Variants in FOXP2 observed in about 807,000 individuals in gnomAD.
FOXP2 encodes the protein forkhead box protein P2.
A neutral mutation model predicts 115.8 loss-of-function variants in FOXP2; 12 were observed. That is an observed-to-expected ratio of 0.10 (90% CI 0.07 to 0.17). FOXP2 has a LOEUF of 0.17. Among genes scored for constraint, FOXP2 ranks in the 10% least tolerant of loss-of-function variants. The pLI is 1.00. For missense variants in FOXP2, 629 were observed against 843.5 expected (o/e 0.75, Z 3.15); for synonymous variants, 328 against 297.7 (o/e 1.10, Z -1.05).
chr7:114,374,235 T>C (rs1419908981), intron 2 of FOXP2, among the ~76,000 whole-genome samples: 1 of 152,228 alleles, frequency 6.6e-6, no homozygotes, highest in Non-Finnish European at 1.5e-5. Flanking sequence ...TATTCAAGCT[T>C]CATATGTCAC....
At chr7:114,239,811 T>C (rs2129167355) in intron 1 of FOXP2, among the ~76,000 whole-genome samples, 1 of 152,326 alleles carries the variant, frequency 6.6e-6, no homozygotes, top group East Asian at 1.9e-4. Flanking sequence ...CCTGGCATTC[T>C]AAGGTCTGGA....
At chr7:114,144,942 TGTTA>T (rs1254232805) in intron 1 of FOXP2, among the ~76,000 whole-genome samples, 2 of 152,226 alleles carry the variant, frequency 1.3e-5, no homozygotes, top group Non-Finnish European at 1.5e-5. Context: ...TTGACTCTTC[TGTTA>T]GTTGCCTTGT....
intron 3 of FOXP2, among the ~76,000 whole-genome samples, chr7:114,616,707 A>G (rs185109473): frequency 2.4e-4 from 37 of 152,294 alleles, no homozygotes; most frequent in Non-Finnish European, 4.0e-4. Flanking sequence ...CTCCACCTAC[A>G]CTATGACTTT....
chr7:114,539,770 T>A (rs1438181208), intron 3 of FOXP2, among the ~76,000 whole-genome samples: 1 of 151,946 alleles, frequency 6.6e-6, no homozygotes, highest in African/African-American at 2.4e-5. Context: ...TGGAGGAGGG[T>A]CTGGGACATT....
chr7:114,262,009 G>A (rs1159560237), intron 1 of FOXP2, among the ~76,000 whole-genome samples: 2 of 152,092 alleles, frequency 1.3e-5, no homozygotes. Context: ...AGTGAGCCCG[G>A]ATCACGCCAT....
chr7:114,559,016 A>G (rs1265960498), intron 3 of FOXP2, among the ~76,000 whole-genome samples: 1 of 150,692 alleles, frequency 6.6e-6, no homozygotes, highest in Non-Finnish European at 1.5e-5. Flanking sequence ...AAATGTTCAT[A>G]AGAAATCCAG....
intron 2 of FOXP2, among the ~76,000 whole-genome samples, chr7:114,482,226 T>A (rs992749156): frequency 6.6e-6 from 1 of 151,560 alleles, no homozygotes; most frequent in Admixed American, 6.6e-5. Context: ...CTAATAGGAA[T>A]TGGCAGTTAG....
At chr7:114,128,302 TG>T (rs1169556937) in intron 1 of FOXP2, among the ~76,000 whole-genome samples, 21 of 152,186 alleles carry the variant, frequency 1.4e-4, no homozygotes, top group Non-Finnish European at 4.4e-5. Flanking sequence ...TAATCATCTG[TG>T]CTTGATCATG....
chr7:114,553,792 T>C (rs1184762273), intron 3 of FOXP2, among the ~76,000 whole-genome samples: 1 of 152,116 alleles, frequency 6.6e-6, no homozygotes, highest in African/African-American at 2.4e-5. Flanking sequence ...AAATATTTGC[T>C]AAACATAAAT....
At chr7:114,373,053 G>C (rs373911833) in intron 2 of FOXP2, among the ~76,000 whole-genome samples, 2 of 151,496 alleles carry the variant, frequency 1.3e-5, no homozygotes, top group African/African-American at 4.9e-5. Context: ...AGTGCAGTGC[G>C]GCGATCTTGG....
At chr7:114,493,606 CA>C (rs1483263051) in intron 2 of FOXP2, among the ~76,000 whole-genome samples, 3 of 151,958 alleles carry the variant, frequency 2.0e-5, no homozygotes, top group Admixed American at 2.0e-4. Flanking sequence ...TACATTTATA[CA>C]GGGAGAAAAT....
At chr7:114,509,633 A>C (rs559897256) in intron 2 of FOXP2, among the ~76,000 whole-genome samples, 1 of 142,910 alleles carries the variant, frequency 7.0e-6, no homozygotes, top group South Asian at 2.4e-4. Context: ...GAAAAAGAGC[A>C]GAAGGGTACT....
intron 2 of FOXP2, among the ~76,000 whole-genome samples, chr7:114,295,549 C>G (rs1410050945): frequency 6.6e-6 from 1 of 152,022 alleles, no homozygotes; most frequent in Non-Finnish European, 1.5e-5. Context: ...GTTTTTTTCC[C>G]CTATATGATA....
upstream of FOXP2, among the ~76,000 whole-genome samples, chr7:114,411,823 T>C (rs1454026284): frequency 1.3e-5 from 2 of 152,140 alleles, no homozygotes; most frequent in African/African-American, 2.4e-5. Flanking sequence ...ACTGATCATA[T>C]CCAGTGTGGG....
At chr7:114,391,147 A>G (rs1792589921) in intron 2 of FOXP2, among the ~76,000 whole-genome samples, 1 of 151,868 alleles carries the variant, frequency 6.6e-6, no homozygotes, top group Non-Finnish European at 1.5e-5. Context: ...AGCTTGTGCC[A>G]CTGTACTCCA....
chr7:114,536,415 TTTTG>T (rs1023405411), intron 3 of FOXP2, among the ~76,000 whole-genome samples: 1 of 148,264 alleles, frequency 6.7e-6, no homozygotes, highest in African/African-American at 2.5e-5. Flanking sequence ...TTTTTTTTTT[TTTTG>T]TTGTTGTTGT....
intron 2 of FOXP2, among the ~76,000 whole-genome samples, chr7:114,502,401 C>G (rs1373379718): frequency 3.9e-5 from 6 of 152,076 alleles, no homozygotes; most frequent in Non-Finnish European, 8.8e-5. Context: ...ACTTTGTTCT[C>G]CAACAGAGCT....
At chr7:114,400,987 G>A (rs1313380276) in intron 2 of FOXP2, among the ~76,000 whole-genome samples, 1 of 152,120 alleles carries the variant, frequency 6.6e-6, no homozygotes, top group African/African-American at 2.4e-5. Flanking sequence ...GAAATAGCAG[G>A]AGTAAGGGAG....
chr7:114,506,840 G>A (rs557340112), intron 2 of FOXP2, among the ~76,000 whole-genome samples: 6 of 151,668 alleles, frequency 4.0e-5, no homozygotes, highest in Admixed American at 4.0e-4. Flanking sequence ...AGTGAGTGAT[G>A]GAACATTGAA....
Sources: gnomAD v4.1 joint callset for allele counts (sites outside exome capture counted in the v4.1 genomes callset) on GRCh38, gnomAD v4.1.1 for gene constraint, MANE v1.5 for transcripts, NCBI Gene and HGNC (gene_info 2026-07-23, HGNC 2026-07-21) for gene names.